CSMD2: variants seen among roughly 807,000 people sequenced by gnomAD.
CSMD2 encodes CUB and sushi domain-containing protein 2.
Under a neutral mutation model 398.5 loss-of-function variants are expected in CSMD2, and 130 were observed. The ratio of observed to expected loss-of-function variants is 0.33; its 90% CI spans 0.28 to 0.38. CSMD2 has a LOEUF of 0.38. Among genes scored for constraint, CSMD2 ranks in the 10% least tolerant of loss-of-function variants. The pLI, the probability that CSMD2 is intolerant of heterozygous loss-of-function variation, is 1.00. For missense variants in CSMD2, 3,829 were observed against 4,764.9 expected (o/e 0.80, Z 5.78); for synonymous variants, 1,828 against 1,908.5 (o/e 0.96, Z 1.10).
chr1:33,696,407 C>T (rs954702113), intron 24 of CSMD2, among the ~76,000 whole-genome samples: 1 of 152,178 alleles, frequency 6.6e-6, no homozygotes, highest in Admixed American at 6.5e-5. Flanking sequence ...CTACAAGACC[C>T]TCTGCTCAAG....
At chr1:34,108,442 C>T (rs1322381583) in intron 1 of CSMD2, among the ~76,000 whole-genome samples, 2 of 152,182 alleles carry the variant, frequency 1.3e-5, no homozygotes, top group East Asian at 3.9e-4. Flanking sequence ...AGACCACATT[C>T]ACAGAGATGC....
At chr1:34,001,043 G>A (rs906754054) in intron 3 of CSMD2, among the ~76,000 whole-genome samples, 7 of 145,048 alleles carry the variant, frequency 4.8e-5, no homozygotes, top group African/African-American at 1.7e-4. Context: ...GGGAGAGGAG[G>A]AGGAGGAAGA....
At chr1:34,060,507 T>C (rs935358929) in intron 2 of CSMD2, among the ~76,000 whole-genome samples, 6 of 152,106 alleles carry the variant, frequency 3.9e-5, no homozygotes, top group Admixed American at 2.6e-4. Flanking sequence ...TGCGGCAGCC[T>C]GGGGGGAGCT....
chr1:33,607,164 C>T (rs1017715652), intron 41 of CSMD2, among the ~76,000 whole-genome samples: 1 of 152,188 alleles, frequency 6.6e-6, no homozygotes, highest in Non-Finnish European at 1.5e-5. Flanking sequence ...TCTTTATAAA[C>T]AGAACCCTCC....
chr1:33,803,838 T>G (rs1655904712), intron 10 of CSMD2, among the ~76,000 whole-genome samples: 1 of 152,236 alleles, frequency 6.6e-6, no homozygotes, highest in Non-Finnish European at 1.5e-5. Context: ...TTCCTGCTAT[T>G]GCTTTAGTTC....
intron 5 of CSMD2, among the ~76,000 whole-genome samples, chr1:33,886,318 G>C (rs1641589827): frequency 6.6e-6 from 1 of 152,162 alleles, no homozygotes; most frequent in African/African-American, 2.4e-5. Context: ...ACAAGCAGGA[G>C]GCTGCTTCAG....
chr1:34,088,020 C>T (rs2148362478), intron 2 of CSMD2, among the ~76,000 whole-genome samples: 1 of 152,344 alleles, frequency 6.6e-6, no homozygotes, highest in East Asian at 1.9e-4. Context: ...AGACTCACTT[C>T]TGCCCAGAGG....
chr1:33,777,925 T>C (rs971361172), intron 12 of CSMD2, among the ~76,000 whole-genome samples: 3 of 152,210 alleles, frequency 2.0e-5, no homozygotes, highest in Non-Finnish European at 4.4e-5. Flanking sequence ...GTAAATTCAC[T>C]GAATATTTGA....
chr1:33,760,773 C>G (rs1473466214), intron 13 of CSMD2, among the ~76,000 whole-genome samples: 1 of 152,094 alleles, frequency 6.6e-6, no homozygotes, highest in Non-Finnish European at 1.5e-5. Context: ...GAATTTGAAA[C>G]AAGAGGGACA....
intron 2 of CSMD2, among the ~76,000 whole-genome samples, chr1:34,034,415 CCTTTT>C (rs1193693666): frequency 1.3e-5 from 2 of 152,104 alleles, no homozygotes; most frequent in Non-Finnish European, 2.9e-5. Context: ...ACTCTGAAAG[CCTTTT>C]ATTTTTGGAC....
At chr1:33,850,660 C>T (rs535593965) in intron 5 of CSMD2, among the ~76,000 whole-genome samples, 107 of 152,324 alleles carry the variant, frequency 7.0e-4, no homozygotes, top group Middle Eastern at 3.4e-3. Flanking sequence ...TCCACATTAA[C>T]TTCACTACGG....
At chr1:33,970,729 A>G (rs1645731817) in intron 3 of CSMD2, among the ~76,000 whole-genome samples, 3 of 152,106 alleles carry the variant, frequency 2.0e-5, no homozygotes, top group Non-Finnish European at 4.4e-5. Flanking sequence ...CCCTATGTCC[A>G]TATGTGTCCA....
chr1:33,571,385 G>T, intron 51 of CSMD2, 147 bp downstream of exon 51: 1 of 494,188 alleles, frequency 2.0e-6, no homozygotes, highest in Non-Finnish European at 3.2e-6. Flanking sequence ...CCCAGCTCCT[G>T]ATTCTACTAG....
At chr1:34,165,599 A>AACACACAC, upstream of CSMD2, 1 of 636,584 alleles carries the variant, frequency 1.6e-6, no homozygotes, top group Non-Finnish European at 2.8e-6. Flanking sequence ...CACACACACA[A>AACACACAC]ACACACACAC....
chr1:34,066,623 A>T (rs1202607174), intron 2 of CSMD2, among the ~76,000 whole-genome samples: 1 of 152,150 alleles, frequency 6.6e-6, no homozygotes, highest in Admixed American at 6.5e-5. Flanking sequence ...CCAGCTGCAG[A>T]GACAAGTGGG....
intron 1 of CSMD2, among the ~76,000 whole-genome samples, chr1:34,120,475 G>T (rs1249238517): frequency 6.6e-6 from 1 of 152,202 alleles, no homozygotes; most frequent in African/African-American, 2.4e-5. Flanking sequence ...GAAACGAGGG[G>T]CATGGGAGTT....
intron 4 of CSMD2, among the ~76,000 whole-genome samples, chr1:33,930,043 C>T: frequency 6.6e-6 from 1 of 152,206 alleles, no homozygotes; most frequent in East Asian, 1.9e-4. Context: ...CTCCTGGCTG[C>T]TAGAATGTAA....
rs1342224518 is a variant in CSMD2, at chr1:33,724,787, G to C, written c.2696-83C>G. 31 of 1,313,534 alleles carry C rather than the reference G, an allele frequency of 2.4e-5. No individual in the cohort carries two copies. In the East Asian group the frequency reaches 6.5e-4, roughly 28 times the overall value. 81.4% of individuals were successfully genotyped at this position (1,313,534 alleles called of 1,614,324 possible). The stretch of plus-strand genomic sequence containing the variant: ...CAGTTGACTCCAAAGAGTAAGAAGA[G>C]AGCCCTGGTTTATTAAAGGCAGAAG... On this transcript the variant is annotated intron_variant, in intron 17 of 70. Transcript: ENST00000373381.
At position 33,590,827 on chromosome 1, in the gene CSMD2, G is replaced by A. The variant is rs549886244; in HGVS notation, c.6857-3659C>T. ...CTGGTGTGTGTGAACATGTTAACTC[G>A]TGAACGGTGGGGGCAATTGCTTTAT... On this transcript the variant is annotated intron_variant, in intron 44 of 70. Transcript: ENST00000373381. Among the ~76,000 whole-genome samples, 14 of 152,148 alleles carry A rather than the reference G, an allele frequency of 9.2e-5. No individual in the cohort carries two copies. In the East Asian group the frequency reaches 2.1e-3, roughly 23 times the overall value.
Sources: gnomAD v4.1 joint callset for allele counts (sites outside exome capture counted in the v4.1 genomes callset) on GRCh38, gnomAD v4.1.1 for gene constraint, MANE v1.5 for transcripts, NCBI Gene and HGNC (gene_info 2026-07-23, HGNC 2026-07-21) for gene names.